Variants in TMEM164 observed in about 807,000 individuals in gnomAD.
TMEM164 encodes RP13-360B22.2.
TMEM164 carries 4 observed loss-of-function variants against 18.8 expected under a neutral mutation model. That is an observed-to-expected ratio of 0.21 (90% CI 0.10 to 0.49). TMEM164 has a LOEUF of 0.49. Ranked by LOEUF, TMEM164 falls within the 20% of genes least tolerant of loss-of-function variation. The pLI is 0.98. For missense variants in TMEM164, 108 were observed against 239.9 expected (o/e 0.45, Z 3.63); for synonymous variants, 86 against 101.7 (o/e 0.85, Z 0.93).
At chrX:110,102,276 G>A (rs1470128086) in intron 3 of TMEM164, among the ~76,000 whole-genome samples, 1 of 110,531 alleles carries the variant, frequency 9.0e-6, no homozygotes, top group Non-Finnish European at 1.9e-5. Context: ...CCTGGGAGGC[G>A]GACGTTGTAG....
intron 6 of TMEM164, 94 bp from the exon 7 acceptor site, chrX:110,173,151 C>T (rs1312229900): frequency 1.1e-5 from 10 of 901,115 alleles, no homozygotes; most frequent in Non-Finnish European, 1.6e-5. Flanking sequence ...CCCTCCTTGT[C>T]TAGTCCCCCA....
At chrX:110,012,184 C>T (rs1272956409) in intron 2 of TMEM164, among the ~76,000 whole-genome samples, 3 of 112,075 alleles carry the variant, frequency 2.7e-5, no homozygotes, top group African/African-American at 9.7e-5. Context: ...TGGATGGTTG[C>T]TGCTCTAAAG....
chrX:110,026,944 G>A (rs1207225212), intron 2 of TMEM164, among the ~76,000 whole-genome samples: 1 of 111,499 alleles, frequency 9.0e-6, no homozygotes, highest in Non-Finnish European at 1.9e-5. Context: ...AGGATTCTTT[G>A]GGTTCTCTAT....
At chrX:110,014,365 A>G (rs1442376256) in intron 2 of TMEM164, among the ~76,000 whole-genome samples, 1 of 111,856 alleles carries the variant, frequency 8.9e-6, no homozygotes, top group Non-Finnish European at 1.9e-5. Flanking sequence ...GTTAGCACCC[A>G]TGTAATAATT....
intron 2 of TMEM164, among the ~76,000 whole-genome samples, chrX:110,030,804 C>CT (rs1378687697): frequency 1.5e-5 from 1 of 68,182 alleles, no homozygotes; most frequent in Non-Finnish European, 2.9e-5. Context: ...GAGCAAGACT[C>CT]TGTCTCAAAA....
intron 4 of TMEM164, among the ~76,000 whole-genome samples, chrX:110,122,481 C>T (rs978992638): frequency 4.8e-5 from 5 of 104,475 alleles, no homozygotes; most frequent in Admixed American, 4.2e-4. Flanking sequence ...TGCTAAATGA[C>T]GAGTTAATGG....
intron 3 of TMEM164, among the ~76,000 whole-genome samples, chrX:110,084,152 TG>T (rs2065798763): frequency 9.3e-6 from 1 of 107,856 alleles, no homozygotes; most frequent in East Asian, 2.9e-4. Flanking sequence ...TTAAGTTAGA[TG>T]TTTTTTATAA....
chrX:110,133,564 A>G (rs2066642942), intron 4 of TMEM164, among the ~76,000 whole-genome samples: 1 of 111,900 alleles, frequency 8.9e-6, no homozygotes, highest in African/African-American at 3.3e-5. Flanking sequence ...ACATTCACAT[A>G]CTGAGGTATT....
At chrX:110,106,825 T>A (rs2066210271) in intron 3 of TMEM164, among the ~76,000 whole-genome samples, 1 of 111,582 alleles carries the variant, frequency 9.0e-6, no homozygotes, top group Non-Finnish European at 1.9e-5. Context: ...TGTTAATAGC[T>A]CCTGCTATAG....
intron 3 of TMEM164, among the ~76,000 whole-genome samples, chrX:110,074,839 C>T (rs1158504985): frequency 8.9e-6 from 1 of 111,909 alleles, no homozygotes; most frequent in African/African-American, 3.3e-5. Context: ...GTACCACTAC[C>T]ATGCTGTTTT....
chrX:110,104,193 A>C (rs977923120), intron 3 of TMEM164, among the ~76,000 whole-genome samples: 46 of 112,052 alleles, frequency 4.1e-4, no homozygotes, highest in African/African-American at 1.3e-3. Context: ...TAATTGAGAG[A>C]TGTAAAGATA....
intron 3 of TMEM164, among the ~76,000 whole-genome samples, chrX:110,094,822 G>T (rs2065988199): frequency 8.9e-6 from 1 of 112,009 alleles, no homozygotes; most frequent in African/African-American, 3.2e-5. Flanking sequence ...GGTACCGGTT[G>T]TTTCTTTCCA....
intron 2 of TMEM164, among the ~76,000 whole-genome samples, chrX:110,030,631 C>T (rs918953603): frequency 2.8e-5 from 3 of 106,176 alleles, no homozygotes; most frequent in Non-Finnish European, 5.8e-5. Flanking sequence ...ACCAAAATGG[C>T]GAAACCCCAT....
chrX:110,032,192 C>T (rs1305171030), intron 2 of TMEM164, among the ~76,000 whole-genome samples: 1 of 112,092 alleles, frequency 8.9e-6, no homozygotes, highest in African/African-American at 3.2e-5. Context: ...TAGGTACACA[C>T]ATCCTGATCT....
intron 4 of TMEM164, among the ~76,000 whole-genome samples, chrX:110,110,284 A>G (rs1193583280): frequency 2.7e-5 from 3 of 112,057 alleles, no homozygotes; most frequent in Non-Finnish European, 5.6e-5. Flanking sequence ...ATATATCAGT[A>G]GAAATTATAG....
At chrX:110,039,539 G>T (rs768801769) in intron 2 of TMEM164, among the ~76,000 whole-genome samples, 1 of 112,731 alleles carries the variant, frequency 8.9e-6, no homozygotes, top group African/African-American at 3.2e-5. Context: ...TGGATGAATG[G>T]ATGACAGCCT....
chrX:110,052,354 A>T (rs946031519), intron 2 of TMEM164, among the ~76,000 whole-genome samples: 7 of 112,331 alleles, frequency 6.2e-5, no homozygotes, highest in Non-Finnish European at 1.1e-4. Context: ...AGCATATATG[A>T]TTCCCTCCAA....
At chrX:110,010,735 C>T (rs758748435) in intron 2 of TMEM164, among the ~76,000 whole-genome samples, 57 of 111,606 alleles carry the variant, frequency 5.1e-4, no homozygotes, top group Non-Finnish European at 9.0e-4. Flanking sequence ...GTTCTGGCAC[C>T]ATCTCAATAC....
chrX:110,167,814 A>G, intron 5 of TMEM164, among the ~76,000 whole-genome samples: 1 of 111,720 alleles, frequency 9.0e-6, no homozygotes, highest in South Asian at 3.8e-4. Flanking sequence ...ACAGTCTGGT[A>G]TGGGATGGAT....
Sources: gnomAD v4.1 joint callset for allele counts (sites outside exome capture counted in the v4.1 genomes callset) on GRCh38, gnomAD v4.1.1 for gene constraint, MANE v1.5 for transcripts, NCBI Gene and HGNC (gene_info 2026-07-23, HGNC 2026-07-21) for gene names.